The following ITGB2 variants were observed in gnomAD, a reference collection of about 807,000 sequenced individuals.
ITGB2 encodes integrin beta-2.
In ITGB2, 56 loss-of-function variants were observed where a neutral mutation model predicts 86.8. The ratio of observed to expected loss-of-function variants is 0.65; its 90% CI spans 0.52 to 0.81. The LOEUF (loss-of-function observed/expected upper bound fraction) is 0.81. Among genes scored for constraint, ITGB2 ranks in the 30% least tolerant of loss-of-function variants. The pLI is 0.00. For missense variants in ITGB2, 948 were observed against 1,061.2 expected, an observed-to-expected ratio of 0.89 and a Z score of 1.48; for synonymous variants, 457 against 450.4, an observed-to-expected ratio of 1.01 and a Z score of -0.19.
intron 1 of ITGB2, among the ~76,000 whole-genome samples, chr21:44,916,733 T>A (rs1158871208): frequency 1.3e-5 from 2 of 151,926 alleles, no homozygotes; most frequent in East Asian, 3.9e-4. Context: ...CTGGGCTTGG[T>A]GGCGGGCGCC....
chr21:44,921,595 G>A (rs114266218), upstream of ITGB2, among the ~76,000 whole-genome samples: 1,527 of 151,950 alleles, frequency 0.01, 26 homozygotes, highest in African/African-American at 0.035. Context: ...GAAGGGAGAG[G>A]AGGAGGAGGA....
At position 44,902,383 on chromosome 21, in the gene ITGB2, G is replaced by A. The variant is rs1371492005; in HGVS notation, c.500-650C>T. Among the ~76,000 whole-genome samples the A allele has an allele frequency of 3.9e-5, 6 of 151,946 alleles. No individual in the cohort carries two copies. In the East Asian group the frequency reaches 5.8e-4, roughly 15 times the overall value. Reference sequence around the variant, plus strand: ...CATTTGTGTGTGAGCGTGCATTCACGTGTGTGAGCGTGCATTTGTGCATGT... The same window carrying A: ...CATTTGTGTGTGAGCGTGCATTCACATGTGTGAGCGTGCATTTGTGCATGT... On this transcript the variant is annotated intron_variant, in intron 5 of 15. Transcript: ENST00000652462.
Position 44,899,156 on chromosome 21 carries a change from G to A in ITGB2, c.904C>T (p.Pro302Ser). The A allele has an allele frequency of 3.1e-6, 5 of 1,613,500 alleles. No individual in the cohort carries two copies. Among genetic ancestry groups the A allele is most frequent in the Non-Finnish European group, 4.2e-6 (5 of 1,179,498 alleles). ...LYKRSNEFDY[P>S]SVGQLAHKLA... ...TTGTGCGCCAGCTGGCCCACCGATG[G>A]GTAGTCCTGGAGAGAGGAGGTCCTG... is the stretch of plus-strand genomic sequence containing the variant. Residue 302 changes from proline (P) to serine (S), a missense_variant, in exon 8 of 16, where the codon CCA (proline) becomes TCA (serine). Physicochemically the swap from Pro to Ser is moderately conservative, Grantham distance 74. Transcript: ENST00000652462.
upstream of ITGB2, among the ~76,000 whole-genome samples, chr21:44,922,756 T>C (rs1184234484): frequency 6.6e-6 from 1 of 151,694 alleles, no homozygotes; most frequent in Non-Finnish European, 1.5e-5. Context: ...AATAAAACAT[T>C]GGGAATAATT....
intron 12 of ITGB2, 113 bp downstream of exon 12, chr21:44,889,865 G>T: frequency 1.4e-6 from 2 of 1,471,514 alleles, no homozygotes; most frequent in South Asian, 2.3e-5. Flanking sequence ...TGCACTGTCT[G>T]TCCTCAGGAT....
At chr21:44,920,398 G>A (rs150977713) in intron 1 of ITGB2, among the ~76,000 whole-genome samples, 1,579 of 152,294 alleles carry the variant, frequency 0.01, 24 homozygotes, top group African/African-American at 0.036. Flanking sequence ...GTAGCCAGGC[G>A]GGGCAGCATG....
intron 5 of ITGB2, among the ~76,000 whole-genome samples, chr21:44,902,975 C>A (rs2083987900): frequency 6.6e-6 from 1 of 151,920 alleles, no homozygotes; most frequent in Non-Finnish European, 1.5e-5. Flanking sequence ...TAGAGCGGAG[C>A]CCTTGGCCCA....
At chr21:44,901,196 A>C (rs569177786) in intron 6 of ITGB2, among the ~76,000 whole-genome samples, 1 of 152,226 alleles carries the variant, frequency 6.6e-6, no homozygotes, top group South Asian at 2.1e-4. Flanking sequence ...GCCCTGTTCC[A>C]CCCTTGGCCG....
intron 8 of ITGB2, 115 bp downstream of exon 8, chr21:44,898,952 T>A: frequency 1.2e-6 from 1 of 858,050 alleles, no homozygotes; most frequent in Admixed American, 2.0e-5. Flanking sequence ...GGCCGGCTGG[T>A]TGCTCACGTG....
intron 13 of ITGB2, 172 bp from the exon 14 acceptor site, chr21:44,889,067 C>T (rs948253209): frequency 4.2e-6 from 3 of 709,106 alleles, no homozygotes; most frequent in South Asian, 3.4e-5. Context: ...AACTGGAAGC[C>T]TGATCCCAGG....
chr21:44,922,122 A>T (rs975585340), upstream of ITGB2, among the ~76,000 whole-genome samples: 1 of 152,254 alleles, frequency 6.6e-6, no homozygotes, highest in Non-Finnish European at 1.5e-5. Context: ...AGAAATAAGT[A>T]AAAATTATGA....
intron 9 of ITGB2, 52 bp from the exon 10 acceptor site, chr21:44,893,596 C>A: frequency 6.2e-7 from 1 of 1,609,158 alleles, no homozygotes; most frequent in East Asian, 2.2e-5. Flanking sequence ...GTTGTCCTGG[C>A]CCTGCCTGGC....
At chr21:44,927,416 G>A (rs1378623635) in intron 1 of ITGB2, among the ~76,000 whole-genome samples, 1 of 151,988 alleles carries the variant, frequency 6.6e-6, no homozygotes, top group African/African-American at 2.4e-5. Context: ...TGTCCAAGTG[G>A]CAGAAAGTCC....
At position 44,907,215 on chromosome 21, in the gene ITGB2, G is replaced by A. The variant is rs371570523; in HGVS notation, c.148-120C>T. Reference sequence around the variant, plus strand: ...CTCCTCCTCTGCGCCTGGAATTTGGGACAGAAGTCCCTGTGGACAGAGACA... The same window carrying A: ...CTCCTCCTCTGCGCCTGGAATTTGGAACAGAAGTCCCTGTGGACAGAGACA... On this transcript the variant is annotated intron_variant, in intron 3 of 15. Coordinates refer to ENST00000652462, the MANE Select transcript of ITGB2 (RefSeq NM_000211.5). 5.5e-6 allele frequency: 4 copies of A among 729,294 alleles called. No individual in the cohort carries two copies. The South Asian group carries it at 7.2e-5, about 13-fold the overall frequency. 45.2% of individuals were successfully genotyped at this position (729,294 alleles called of 1,614,324 possible).
At chr21:44,893,259 C>A (rs969362348) in intron 10 of ITGB2, 145 bp downstream of exon 10, 1 of 936,194 alleles carries the variant, frequency 1.1e-6, no homozygotes, top group East Asian at 2.5e-5. Flanking sequence ...TCCCTGCCCC[C>A]GTCAGAGTGC....
At chr21:44,917,170 C>T (rs1568907961) in intron 1 of ITGB2, among the ~76,000 whole-genome samples, 1 of 152,200 alleles carries the variant, frequency 6.6e-6, no homozygotes, top group Non-Finnish European at 1.5e-5. Flanking sequence ...GCCAAAATAT[C>T]TTGATTCCCT....
At position 44,900,961 on chromosome 21, in the gene ITGB2, C is replaced by T. The variant is rs190521776; in HGVS notation, c.742-486G>A. Among the ~76,000 whole-genome samples, 247 of 152,306 alleles carry T rather than the reference C, an allele frequency of 1.6e-3. 1 individual carries two copies. The Middle Eastern group carries it at 0.024, about 15-fold the overall frequency. ...CTCACACTCGTGAGCAGTGTGTCTG[C>T]GCTGGGACTGCAGGGAAGCAGGAGA... On this transcript the variant is annotated intron_variant, in intron 6 of 15. Coordinates refer to ENST00000652462, the MANE Select transcript of ITGB2 (RefSeq NM_000211.5).
At chr21:44,902,750 T>G (rs1240295999) in intron 5 of ITGB2, among the ~76,000 whole-genome samples, 4 of 151,990 alleles carry the variant, frequency 2.6e-5, no homozygotes, top group African/African-American at 4.8e-5. Context: ...GAGCGTGCAT[T>G]CACGTGCATG....
chr21:44,910,649 G>A (rs1472458961), intron 2 of ITGB2, 76 bp downstream of exon 2: 2 of 1,549,534 alleles, frequency 1.3e-6, no homozygotes, highest in Non-Finnish European at 1.8e-6. Flanking sequence ...CTGTCTATGG[G>A]AAAGTGAGGG....
Sources: allele counts gnomAD v4.1 joint callset (sites outside exome capture counted in the v4.1 genomes callset), GRCh38; gene constraint gnomAD v4.1.1; transcripts MANE v1.5; gene names NCBI Gene and HGNC (gene_info 2026-07-23, HGNC 2026-07-21).